CAPN5: variants seen among roughly 807,000 people sequenced by gnomAD.
The protein encoded by CAPN5 is calpain 5.
In CAPN5, 54 loss-of-function variants were observed where a neutral mutation model predicts 73.0. The observed-to-expected ratio is 0.74, with a 90% CI of 0.59 to 0.93. The LOEUF (loss-of-function observed/expected upper bound fraction) is 0.93. Ranked by LOEUF, CAPN5 falls within the 40% of genes least tolerant of loss-of-function variation. CAPN5 has a pLI of 0.00. For synonymous variants in CAPN5, 335 were observed against 356.9 expected (o/e 0.94, Z 0.69); for missense variants, 785 against 882.9 (o/e 0.89, Z 1.41).
intron 1 of CAPN5, among the ~76,000 whole-genome samples, chr11:77,081,642 A>G (rs1555034619): frequency 6.6e-6 from 1 of 152,138 alleles, no homozygotes; most frequent in African/African-American, 2.4e-5. Context: ...GACCATGCAG[A>G]CCAGTGAGGT....
At chr11:77,086,540 C>G (rs552089175) in intron 2 of CAPN5, among the ~76,000 whole-genome samples, 1 of 152,312 alleles carries the variant, frequency 6.6e-6, no homozygotes, top group Admixed American at 6.5e-5. Context: ...TCTGGAAGGC[C>G]CAGGAGCCTC....
At chr11:77,074,764 T>C (rs1349323791) in intron 1 of CAPN5, among the ~76,000 whole-genome samples, 1 of 152,152 alleles carries the variant, frequency 6.6e-6, no homozygotes, top group Non-Finnish European at 1.5e-5. Flanking sequence ...CACTGGGTGA[T>C]ACTCACTCTG....
At chr11:77,101,944 C>T (rs1950289370) in intron 3 of CAPN5, among the ~76,000 whole-genome samples, 1 of 152,210 alleles carries the variant, frequency 6.6e-6, no homozygotes, top group Non-Finnish European at 1.5e-5. Flanking sequence ...GAAGTGAAGC[C>T]TTGTCCTGTT....
chr11:77,088,517 A>T (rs1460008461), intron 2 of CAPN5, among the ~76,000 whole-genome samples: 1 of 151,814 alleles, frequency 6.6e-6, no homozygotes, highest in African/African-American at 2.4e-5. Flanking sequence ...AGAAGGAGGT[A>T]GGGCTGGGGG....
intron 4 of CAPN5, among the ~76,000 whole-genome samples, chr11:77,113,203 T>G (rs1950429477): frequency 6.6e-6 from 1 of 152,224 alleles, no homozygotes. Context: ...CGTGCCTGCC[T>G]TCCCCGCCTG....
chr11:77,091,737 G>T (rs1555036561), intron 2 of CAPN5, among the ~76,000 whole-genome samples: 1 of 152,176 alleles, frequency 6.6e-6, no homozygotes, highest in Admixed American at 6.5e-5. Context: ...TCAGGCCTTG[G>T]GGAGGGATGA....
intron 3 of CAPN5, among the ~76,000 whole-genome samples, chr11:77,100,815 G>A (rs1429423796): frequency 6.6e-6 from 1 of 152,162 alleles, no homozygotes; most frequent in Admixed American, 6.5e-5. Context: ...TGTGGCTAAC[G>A]TCCTGCCCTC....
chr11:77,082,688 C>T (rs11607352), intron 1 of CAPN5, among the ~76,000 whole-genome samples: 6,132 of 152,252 alleles, frequency 0.04, 150 homozygotes, highest in Admixed American at 0.076. Flanking sequence ...AGCCCCTGGC[C>T]CAGCCGAGCT....
At chr11:77,103,126 C>T in intron 3 of CAPN5, 1 of 1,613,874 alleles carries the variant, frequency 6.2e-7, no homozygotes, top group Non-Finnish European at 8.5e-7. Context: ...AACCTCATGA[C>T]ACGCCAGCTG....
chr11:77,081,425 G>A (rs1555034586), intron 1 of CAPN5, among the ~76,000 whole-genome samples: 7 of 152,218 alleles, frequency 4.6e-5, no homozygotes, highest in South Asian at 4.1e-4. Flanking sequence ...GACCAACTCC[G>A]ACAGGAACCC....
intron 10 of CAPN5, 69 bp downstream of exon 10, chr11:77,120,978 G>A: frequency 6.9e-7 from 1 of 1,458,956 alleles, no homozygotes; most frequent in South Asian, 1.3e-5. Context: ...CCAGGAACCT[G>A]CAGCCTCAGA....
At chr11:77,095,504 C>T (rs79284525) in intron 3 of CAPN5, among the ~76,000 whole-genome samples, 1,572 of 152,318 alleles carry the variant, frequency 0.01, 27 homozygotes, top group African/African-American at 0.036. Context: ...CCCTGCTGAG[C>T]CCACTAGGGA....
At chr11:77,085,964 C>T (rs1950081885) in intron 2 of CAPN5, among the ~76,000 whole-genome samples, 1 of 152,126 alleles carries the variant, frequency 6.6e-6, no homozygotes, top group East Asian at 1.9e-4. Flanking sequence ...CTCCCGCAGC[C>T]CAGTAATCAG....
intron 4 of CAPN5, 125 bp downstream of exon 4, chr11:77,112,922 C>A: frequency 1.1e-6 from 1 of 899,822 alleles, no homozygotes; most frequent in Non-Finnish European, 1.7e-6. Context: ...TGCAGGCACG[C>A]AGCAGGCTCA....
At chr11:77,084,721 G>A (rs901741471) in intron 1 of CAPN5, 131 bp from the exon 2 acceptor site, 192 of 732,280 alleles carry the variant, frequency 2.6e-4, no homozygotes, top group Admixed American at 7.7e-4. Context: ...CCAGCTGTGT[G>A]ACCTTGGGTA....
chr11:77,082,153 G>T (rs1391679614), intron 1 of CAPN5, among the ~76,000 whole-genome samples: 2 of 151,950 alleles, frequency 1.3e-5, no homozygotes, highest in Non-Finnish European at 2.9e-5. Context: ...AACAGTGTGT[G>T]CAGAGGCCCT....
At chr11:77,105,528 C>T (rs1950336637) in intron 3 of CAPN5, among the ~76,000 whole-genome samples, 1 of 152,198 alleles carries the variant, frequency 6.6e-6, no homozygotes, top group Non-Finnish European at 1.5e-5. Context: ...GTCTCCCTGC[C>T]TTGCAGGGCC....
chr11:77,071,653 G>T (rs1283965676), intron 1 of CAPN5: 4 of 453,734 alleles, frequency 8.8e-6, no homozygotes, highest in South Asian at 6.2e-5. Flanking sequence ...TTTGCACCTC[G>T]CTGGCCTCAG....
intron 3 of CAPN5, among the ~76,000 whole-genome samples, chr11:77,096,002 G>A (rs1398858299): frequency 2.6e-5 from 4 of 152,290 alleles, no homozygotes; most frequent in East Asian, 1.9e-4. Flanking sequence ...TATGGGTCCC[G>A]GAAGGAGGCT....
Sources: allele counts gnomAD v4.1 joint callset (sites outside exome capture counted in the v4.1 genomes callset), GRCh38; gene constraint gnomAD v4.1.1; transcripts MANE v1.5; gene names NCBI Gene and HGNC (gene_info 2026-07-23, HGNC 2026-07-21).